Variants in PRKCE observed in about 807,000 individuals in gnomAD.
PRKCE encodes the protein protein kinase C epsilon type.
Under a neutral mutation model 85.4 loss-of-function variants are expected in PRKCE, and 16 were observed. The observed-to-expected ratio is 0.19, with a 90% CI of 0.13 to 0.28. PRKCE has a LOEUF of 0.28. Ranked by LOEUF, PRKCE falls within the 10% of genes least tolerant of loss-of-function variation. PRKCE has a pLI of 1.00. For missense variants in PRKCE, 573 were observed against 975.2 expected (o/e 0.59, Z 5.49); for synonymous variants, 388 against 371.5 (o/e 1.04, Z -0.51).
At chr2:45,755,497 G>T (rs1465892935) in intron 1 of PRKCE, among the ~76,000 whole-genome samples, 1 of 152,166 alleles carries the variant, frequency 6.6e-6, no homozygotes, top group Non-Finnish European at 1.5e-5. Flanking sequence ...CTGCTGTTTT[G>T]CTGAGAAATG....
At chr2:45,787,072 T>G (rs763540624) in intron 1 of PRKCE, among the ~76,000 whole-genome samples, 3 of 151,860 alleles carry the variant, frequency 2.0e-5, no homozygotes, top group Non-Finnish European at 4.4e-5. Flanking sequence ...GTGAATCTTA[T>G]CTGCTGGTGG....
chr2:46,080,654 G>C (rs964128882), intron 10 of PRKCE, among the ~76,000 whole-genome samples: 2 of 152,198 alleles, frequency 1.3e-5, no homozygotes, highest in Non-Finnish European at 2.9e-5. Context: ...GTGCTCCCTG[G>C]AGTGAAGGTT....
At chr2:45,778,194 G>A (rs1282005031) in intron 1 of PRKCE, among the ~76,000 whole-genome samples, 1 of 152,184 alleles carries the variant, frequency 6.6e-6, no homozygotes, top group Non-Finnish European at 1.5e-5. Flanking sequence ...TGATGGCTTT[G>A]CCACCAGGTG....
At chr2:45,835,885 G>A (rs569292227) in intron 1 of PRKCE, among the ~76,000 whole-genome samples, 4 of 152,188 alleles carry the variant, frequency 2.6e-5, no homozygotes, top group South Asian at 2.1e-4. Context: ...GTGAGCCACC[G>A]TGCCCGGTCC....
chr2:45,932,622 CT>C (rs142989035), intron 2 of PRKCE, among the ~76,000 whole-genome samples: 3,995 of 152,072 alleles, frequency 0.026, 93 homozygotes, highest in East Asian at 0.11. Flanking sequence ...TTTATTGTAT[CT>C]TTTTTTGTGG....
chr2:45,961,664 G>A (rs1701386052), intron 2 of PRKCE, among the ~76,000 whole-genome samples: 1 of 151,892 alleles, frequency 6.6e-6, no homozygotes. Flanking sequence ...AGCCTGCCTT[G>A]GCCAGGGCAG....
chr2:46,078,492 A>G (rs12472305), intron 10 of PRKCE: 65,837 of 151,492 alleles, frequency 0.43, 16,970 homozygotes, highest in Non-Finnish European at 0.56. Flanking sequence ...GTGAGCTATG[A>G]TCATGCCACT....
At chr2:46,093,692 A>G (rs1315654531) in intron 11 of PRKCE, among the ~76,000 whole-genome samples, 1 of 151,908 alleles carries the variant, frequency 6.6e-6, no homozygotes, top group Admixed American at 6.6e-5. Flanking sequence ...CATGGCACCT[A>G]GCCTTATTGT....
At chr2:46,039,517 T>G (rs899475706) in intron 10 of PRKCE, among the ~76,000 whole-genome samples, 1 of 152,180 alleles carries the variant, frequency 6.6e-6, no homozygotes, top group Non-Finnish European at 1.5e-5. Flanking sequence ...GTGGGGTTTT[T>G]TTGTTGTTGT....
chr2:45,842,981 G>A lies in PRKCE; in HGVS notation c.349-19G>A, dbSNP rs375396876. The stretch of plus-strand genomic sequence containing the variant: ...CACACAATGCACTAACAGAGTCACT[G>A]TCATTTTCTTAATTGCAGATTGATC... On this transcript the variant is annotated intron_variant, in intron 1 of 14. Coordinates refer to ENST00000306156, the MANE Select transcript of PRKCE (RefSeq NM_005400.3). The A allele has an allele frequency of 1.2e-5, 19 of 1,612,912 alleles. No homozygotes were observed. In the African/African-American group the frequency reaches 2.3e-4, roughly 19 times the overall value.
chr2:45,975,952 T>C (rs1024607436), intron 2 of PRKCE, among the ~76,000 whole-genome samples: 1 of 152,166 alleles, frequency 6.6e-6, no homozygotes, highest in Non-Finnish European at 1.5e-5. Context: ...GGTGTGGAGA[T>C]TCATCTCATT....
At chr2:45,925,290 G>C (rs1269465196) in intron 2 of PRKCE, among the ~76,000 whole-genome samples, 1 of 149,208 alleles carries the variant, frequency 6.7e-6, no homozygotes, top group African/African-American at 2.5e-5. Context: ...TAAGCATGCT[G>C]TATTTTTTAT....
intron 2 of PRKCE, among the ~76,000 whole-genome samples, chr2:45,911,026 C>G (rs1012260704): frequency 1.3e-5 from 2 of 152,210 alleles, no homozygotes; most frequent in African/African-American, 4.8e-5. Context: ...GGAACCACTA[C>G]TCACGGGCTT....
In PRKCE at chr2:46,172,624, A is replaced by G. The variant is rs145911317; in HGVS notation, c.2068-12111A>G. The stretch of plus-strand genomic sequence containing the variant: ...TGTTTGGAGCTAACGCTTTGAGACT[A>G]TTGACTTCACCTGCACTTAGAAGAC... On this transcript the variant is annotated intron_variant, in intron 14 of 14. Transcript: ENST00000306156. Among the ~76,000 whole-genome samples, 1,247 of 152,290 alleles carry G rather than the reference A, an allele frequency of 8.2e-3. 16 individuals carry two copies. Among genetic ancestry groups the G allele is most frequent in the African/African-American group, 0.029 (1,187 of 41,554 alleles).
chr2:45,967,784 C>T lies in PRKCE; in HGVS notation c.413-8645C>T, dbSNP rs184051686. Among the ~76,000 whole-genome samples the T allele has an allele frequency of 3.7e-3, 567 of 152,042 alleles. 6 individuals are homozygous for T. Among genetic ancestry groups the T allele is most frequent in the Non-Finnish European group, 4.0e-3 (272 of 67,980 alleles). ...GTTTGGGTTGAGCCATGGAATTGCC[C>T]CTCTCCTGATAGATAAGATAGGAAA... On this transcript the variant is annotated intron_variant, in intron 2 of 14. Transcript: ENST00000306156.
intron 2 of PRKCE, among the ~76,000 whole-genome samples, chr2:45,882,785 T>A (rs924793103): frequency 4.6e-5 from 7 of 152,244 alleles, no homozygotes; most frequent in Admixed American, 4.6e-4. Flanking sequence ...GGGCCTGCAC[T>A]CAACGTTTCT....
intron 2 of PRKCE, among the ~76,000 whole-genome samples, chr2:45,877,943 T>C (rs780121018): frequency 1.4e-4 from 22 of 152,248 alleles, no homozygotes; most frequent in Non-Finnish European, 2.9e-5. Flanking sequence ...GACAATGAGA[T>C]GCTGGACTCC....
At chr2:46,040,387 G>T (rs1455801463) in intron 10 of PRKCE, among the ~76,000 whole-genome samples, 1 of 152,176 alleles carries the variant, frequency 6.6e-6, no homozygotes, top group Non-Finnish European at 1.5e-5. Flanking sequence ...CAGACAGATG[G>T]CAGAGCACCG....
At chr2:46,157,144 T>G (rs1677292706) in intron 13 of PRKCE, among the ~76,000 whole-genome samples, 1 of 152,176 alleles carries the variant, frequency 6.6e-6, no homozygotes, top group Non-Finnish European at 1.5e-5. Context: ...CTTGGGTAAT[T>G]AACTTGGGGT....
Sources: allele counts gnomAD v4.1 joint callset (sites outside exome capture counted in the v4.1 genomes callset), GRCh38; gene constraint gnomAD v4.1.1; transcripts MANE v1.5; gene names NCBI Gene and HGNC (gene_info 2026-07-23, HGNC 2026-07-21).